The following CSMD1 variants were observed in gnomAD, a reference collection of about 807,000 sequenced individuals.
CSMD1 encodes CUB and sushi domain-containing protein 1.
A neutral mutation model predicts 417.5 loss-of-function variants in CSMD1; 213 were observed. The observed-to-expected ratio is 0.51, with a 90% confidence interval of 0.46 to 0.57. The LOEUF (loss-of-function observed/expected upper bound fraction) is 0.57. Among genes scored for constraint, CSMD1 ranks in the 20% least tolerant of loss-of-function variants. The probability of loss-of-function intolerance (pLI) is 0.00; values close to 1 mark genes in which losing one functional copy is unlikely to be tolerated. For synonymous variants in CSMD1, 2,862 were observed against 1,736.8 expected (o/e 1.65, Z -16.11); for missense variants, 6,923 against 4,529.7 (o/e 1.53, Z -15.17).
chr8:4,922,860 A>C (rs1474376809), intron 1 of CSMD1, among the ~76,000 whole-genome samples: 1 of 152,180 alleles, frequency 6.6e-6, no homozygotes, highest in African/African-American at 2.4e-5. Flanking sequence ...CCTAGTGCTA[A>C]AGTTTTAACT....
chr8:4,711,822 C>G (rs947361965), intron 1 of CSMD1, among the ~76,000 whole-genome samples: 1 of 152,080 alleles, frequency 6.6e-6, no homozygotes, highest in East Asian at 1.9e-4. Flanking sequence ...AGGTCCCGAA[C>G]CAAGTAGTTT....
intron 1 of CSMD1, among the ~76,000 whole-genome samples, chr8:4,829,366 C>G (rs544102234): frequency 6.6e-6 from 1 of 152,320 alleles, no homozygotes; most frequent in Non-Finnish European, 1.5e-5. Context: ...GGGCAACACT[C>G]TGCTAAAAGC....
intron 1 of CSMD1, among the ~76,000 whole-genome samples, chr8:4,709,509 G>T (rs768585095): frequency 6.6e-6 from 1 of 152,218 alleles, no homozygotes; most frequent in Non-Finnish European, 1.5e-5. Context: ...ACCTTCCTCA[G>T]GCTGAGGGTA....
chr8:2,978,783 G>A lies in CSMD1; in HGVS notation c.8395C>T (p.Pro2799Ser). The change falls in exon 55 of 70, where the codon CCA becomes TCA. Residue 2799 changes from proline to serine, a missense_variant. Physicochemically the swap from Pro to Ser is moderately conservative, Grantham distance 74. Transcript: ENST00000635120. ...PTCRVVNCSD[P>S]GFVENAIRHG... The stretch of plus-strand genomic sequence containing the variant: ...CGAATGGCATTTTCCACAAAGCCTG[G>A]ATCAGAACAGTTCACCACTAGAAAA... The A allele has an allele frequency of 6.2e-7, 1 of 1,612,676 alleles. No individual in the cohort carries two copies. Among genetic ancestry groups the A allele is most frequent in the South Asian group, 1.1e-5 (1 of 90,706 alleles).
In CSMD1 at chr8:4,470,189, G is replaced by A. The variant is rs1047332239; in HGVS notation, c.303-50124C>T. Among the ~76,000 whole-genome samples, 4 of 152,046 alleles carry A rather than the reference G, an allele frequency of 2.6e-5. No individual in the cohort carries two copies. The East Asian group carries it at 7.7e-4, about 29-fold the overall frequency. ...ATAACCTCATCTATTCCTCTCCATT[G>A]TGATCCTTCACCTGCCTCCTCTGGC... On this transcript the variant is annotated intron_variant, in intron 2 of 69. Coordinates refer to ENST00000635120, the MANE Select transcript of CSMD1 (RefSeq NM_033225.6).
At position 3,670,449 on chromosome 8, in the gene CSMD1, T is replaced by C. The variant is rs559777043; in HGVS notation, c.1009+37965A>G. Among the ~76,000 whole-genome samples the C allele has an allele frequency of 5.3e-5, 8 of 150,204 alleles. No individual in the cohort carries two copies. In the East Asian group the frequency reaches 1.6e-3, roughly 29 times the overall value. ...TAATAAACTCCCCTTTATATATATA[T>C]AAATATCCCATATATATGTATCCCA... is the stretch of plus-strand genomic sequence containing the variant. On this transcript the variant is annotated intron_variant, in intron 7 of 69. Transcript: ENST00000635120.
chr8:3,076,263 T>A (rs35781976), intron 49 of CSMD1, among the ~76,000 whole-genome samples: 6 of 147,266 alleles, frequency 4.1e-5, no homozygotes, highest in African/African-American at 7.6e-5. Context: ...ATCTTCTTGC[T>A]GTGTCCCTGC....
At chr8:4,777,524 C>T (rs1196332076) in intron 1 of CSMD1, among the ~76,000 whole-genome samples, 4 of 152,162 alleles carry the variant, frequency 2.6e-5, no homozygotes, top group Admixed American at 1.3e-4. Context: ...ATACCTGAAA[C>T]ATAACACATT....
chr8:4,660,253 G>C (rs1176324137), intron 1 of CSMD1, among the ~76,000 whole-genome samples: 1 of 152,004 alleles, frequency 6.6e-6, no homozygotes, highest in Non-Finnish European at 1.5e-5. Flanking sequence ...TAACCAGTAA[G>C]TGATTTTATT....
intron 41 of CSMD1, among the ~76,000 whole-genome samples, chr8:3,122,220 C>G (rs887755006): frequency 1.3e-5 from 2 of 151,856 alleles, no homozygotes; most frequent in African/African-American, 4.8e-5. Flanking sequence ...ATGCTTTTAC[C>G]CCATAAATGT....
intron 5 of CSMD1, among the ~76,000 whole-genome samples, chr8:3,902,833 C>T (rs184052104): frequency 1.3e-5 from 2 of 151,698 alleles, no homozygotes; most frequent in African/African-American, 4.9e-5. Flanking sequence ...CTGACTGGCC[C>T]ATCTTGGATA....
intron 1 of CSMD1, among the ~76,000 whole-genome samples, chr8:4,867,356 CT>C (rs1267509613): frequency 6.6e-6 from 1 of 152,052 alleles, no homozygotes; most frequent in African/African-American, 2.4e-5. Context: ...TTTCTTTCCT[CT>C]TTAAATAGTT....
intron 1 of CSMD1, among the ~76,000 whole-genome samples, chr8:4,778,497 GCACT>G (rs1174323124): frequency 1.3e-5 from 2 of 152,164 alleles, no homozygotes; most frequent in Non-Finnish European, 2.9e-5. Context: ...AAAGCACTTT[GCACT>G]GTAAGTGGCA....
intron 10 of CSMD1, among the ~76,000 whole-genome samples, chr8:3,498,649 C>A (rs1796465995): frequency 6.6e-6 from 1 of 152,180 alleles, no homozygotes; most frequent in Non-Finnish European, 1.5e-5. Context: ...TATTTGTCCC[C>A]TGCATTTTGT....
intron 26 of CSMD1, among the ~76,000 whole-genome samples, chr8:3,281,946 A>G (rs1802772772): frequency 6.6e-6 from 1 of 152,054 alleles, no homozygotes; most frequent in Admixed American, 6.6e-5. Context: ...AAAAGCACGT[A>G]GCACCTTCCG....
chr8:4,475,255 C>T (rs1408752775), intron 2 of CSMD1, among the ~76,000 whole-genome samples: 1 of 152,194 alleles, frequency 6.6e-6, no homozygotes, highest in Non-Finnish European at 1.5e-5. Context: ...CTCCCTCCCT[C>T]TCTCACTCCA....
chr8:4,313,291 G>C (rs979750624), intron 3 of CSMD1, among the ~76,000 whole-genome samples: 1 of 152,088 alleles, frequency 6.6e-6, no homozygotes, highest in Non-Finnish European at 1.5e-5. Context: ...AGAATGCGAA[G>C]AATCTGGTTA....
intron 3 of CSMD1, among the ~76,000 whole-genome samples, chr8:4,345,109 G>C (rs1028599469): frequency 6.6e-6 from 1 of 152,166 alleles, no homozygotes; most frequent in African/African-American, 2.4e-5. Context: ...GGGCAGCCAA[G>C]GGGAGCTAAA....
chr8:3,157,484 C>A (rs1819606464), intron 39 of CSMD1, among the ~76,000 whole-genome samples: 2 of 152,206 alleles, frequency 1.3e-5, no homozygotes, highest in African/African-American at 4.8e-5. Context: ...ATCACTCCAT[C>A]AGTAATCTGT....
Sources: allele counts gnomAD v4.1 joint callset (sites outside exome capture counted in the v4.1 genomes callset), GRCh38; gene constraint gnomAD v4.1.1; transcripts MANE v1.5; gene names NCBI Gene and HGNC (gene_info 2026-07-23, HGNC 2026-07-21).